NUBPL: variants seen among roughly 807,000 people sequenced by gnomAD.
NUBPL encodes NUBP iron-sulfur cluster assembly factor, mitochondrial, also known as iron-sulfur cluster transfer protein NUBPL.
In NUBPL, 31 loss-of-function variants were observed where a neutral mutation model predicts 45.7. That is an observed-to-expected ratio of 0.68 (90% CI 0.51 to 0.92). NUBPL has a LOEUF of 0.92. Among genes scored for constraint, NUBPL ranks in the 40% least tolerant of loss-of-function variants. The pLI is 0.00. For missense variants in NUBPL, 401 were observed against 398.7 expected (o/e 1.01, Z -0.05); for synonymous variants, 144 against 140.9 (o/e 1.02, Z -0.15).
intron 6 of NUBPL, among the ~76,000 whole-genome samples, chr14:31,752,473 C>T (rs949654187): frequency 2.0e-5 from 3 of 152,210 alleles, no homozygotes; most frequent in Admixed American, 6.5e-5. Flanking sequence ...CCAGTCTCTT[C>T]GCTAAAGCAT....
At chr14:31,622,506 C>T (rs551375900) in intron 4 of NUBPL, among the ~76,000 whole-genome samples, 20 of 151,960 alleles carry the variant, frequency 1.3e-4, no homozygotes, top group African/African-American at 4.3e-4. Context: ...CCATCACGGG[C>T]TTAGGAGGGA....
At chr14:31,850,515 A>G (rs1391184191) in intron 10 of NUBPL, among the ~76,000 whole-genome samples, 2 of 152,206 alleles carry the variant, frequency 1.3e-5, no homozygotes, top group Non-Finnish European at 2.9e-5. Context: ...CAAGATTATT[A>G]TATTTCAGTA....
Position 31,586,560 on chromosome 14 carries a change from G to C in NUBPL, c.292-12729G>C, listed in dbSNP as rs143616308. On this transcript the variant is annotated intron_variant, in intron 3 of 10. Transcript: ENST00000281081. ...GTTTGCTTAATTCTTATGGTCACAA[G>C]ATGGCTGCCCCACTGAATTGTAAAG... Among the ~76,000 whole-genome samples the C allele has an allele frequency of 1.8e-3, 271 of 152,292 alleles. 2 individuals are homozygous for C. Among genetic ancestry groups the C allele is most frequent in the African/African-American group, 6.2e-3 (258 of 41,578 alleles).
chr14:31,691,083 G>A (rs905806469), intron 6 of NUBPL, among the ~76,000 whole-genome samples: 5 of 137,096 alleles, frequency 3.6e-5, no homozygotes, highest in African/African-American at 5.4e-5. Flanking sequence ...CAGAAATTAC[G>A]ATGTATTTCC....
chr14:31,745,332 G>C (rs921142114), intron 6 of NUBPL, among the ~76,000 whole-genome samples: 8 of 152,144 alleles, frequency 5.3e-5, no homozygotes, highest in Non-Finnish European at 1.2e-4. Context: ...ATAGTTTGCT[G>C]AGAATGATGG....
intron 6 of NUBPL, among the ~76,000 whole-genome samples, chr14:31,774,064 A>G (rs898176876): frequency 3.3e-5 from 5 of 152,184 alleles, no homozygotes; most frequent in African/African-American, 1.2e-4. Flanking sequence ...ACACCTTTCC[A>G]TGCCCTTAGG....
intron 4 of NUBPL, among the ~76,000 whole-genome samples, chr14:31,619,006 T>TG (rs1398041593): frequency 3.9e-5 from 6 of 152,202 alleles, no homozygotes; most frequent in African/African-American, 1.4e-4. Flanking sequence ...GATAGTTAGC[T>TG]CTTCTTGTTG....
At chr14:31,802,117 C>T (rs1400351267) in intron 7 of NUBPL, among the ~76,000 whole-genome samples, 1 of 152,112 alleles carries the variant, frequency 6.6e-6, no homozygotes, top group African/African-American at 2.4e-5. Context: ...CATGAATAAA[C>T]GAATGCCCTT....
At chr14:31,776,497 A>G (rs1317388183) in intron 6 of NUBPL, among the ~76,000 whole-genome samples, 1 of 152,212 alleles carries the variant, frequency 6.6e-6, no homozygotes, top group Non-Finnish European at 1.5e-5. Flanking sequence ...TGTCTTCCCA[A>G]GCTGACTGGA....
intron 6 of NUBPL, among the ~76,000 whole-genome samples, chr14:31,737,916 TTTTA>T (rs1266226574): frequency 6.6e-6 from 1 of 152,160 alleles, no homozygotes; most frequent in Non-Finnish European, 1.5e-5. Flanking sequence ...AATTTTTTTG[TTTTA>T]TTTATTCTTT....
chr14:31,725,993 A>G (rs565798293), intron 6 of NUBPL, among the ~76,000 whole-genome samples: 1 of 152,200 alleles, frequency 6.6e-6, no homozygotes, highest in Admixed American at 6.5e-5. Context: ...TACAGGTGTG[A>G]GCCACCGTGC....
At chr14:31,672,466 GTTAT>G (rs2036594790) in intron 4 of NUBPL, among the ~76,000 whole-genome samples, 1 of 151,990 alleles carries the variant, frequency 6.6e-6, no homozygotes, top group African/African-American at 2.4e-5. Context: ...TTTTATTGAG[GTTAT>G]TTATTTTTTT....
chr14:31,562,107 A>G lies in NUBPL; in HGVS notation c.148A>G (p.Thr50Ala). ...GAGTGAGACCCTAAAACAAAGAAGA[A>G]CACAAATCATGTCCCGAGGACTTCC... ...AGSETLKQRR[T>A]QIMSRGLPKQ... is the part of the protein sequence containing the mutation. Residue 50 changes from threonine to alanine, a missense_variant, in exon 2 of 11, where the codon ACA (threonine) becomes GCA (alanine). Thr to Ala is a moderately conservative substitution (Grantham distance 58). Transcript: ENST00000281081. 3.1e-6 allele frequency: 5 copies of G among 1,612,162 alleles called. No individual in the cohort carries two copies. The highest frequency in any genetic ancestry group is 3.4e-6 in the Non-Finnish European group (4 of 1,178,788).
Position 31,850,221 on chromosome 14 carries a change from A to G in NUBPL, c.897+20A>G, listed in dbSNP as rs1366809679. 2 of 1,582,512 alleles carry G rather than the reference A, an allele frequency of 1.3e-6. No individual in the cohort carries two copies. The highest frequency in any genetic ancestry group is 2.2e-5 in the South Asian group (2 of 90,302). ...GATGAGGTAAGTTCCATTTTTGGAT[A>G]CATATTTTTATTTCTTTTTATGTAC... On this transcript the variant is annotated intron_variant, in intron 10 of 10. Coordinates refer to ENST00000281081, the MANE Select transcript of NUBPL (RefSeq NM_025152.3).
chr14:31,596,488 C>T (rs552404015), intron 3 of NUBPL, among the ~76,000 whole-genome samples: 3 of 151,918 alleles, frequency 2.0e-5, no homozygotes, highest in South Asian at 2.1e-4. Flanking sequence ...CAAATCCTGC[C>T]GTTTTTTGTG....
intron 6 of NUBPL, among the ~76,000 whole-genome samples, chr14:31,781,637 A>C (rs1436976920): frequency 2.6e-5 from 4 of 152,240 alleles, no homozygotes; most frequent in African/African-American, 9.6e-5. Flanking sequence ...TTGTTATTTT[A>C]ACATAGAGGG....
chr14:31,813,562 G>A (rs1165417311), intron 7 of NUBPL, among the ~76,000 whole-genome samples: 1 of 150,758 alleles, frequency 6.6e-6, no homozygotes, highest in Non-Finnish European at 1.5e-5. Context: ...CATACTTTAA[G>A]TCCTGGGATA....
chr14:31,801,402 C>T (rs191101656), intron 7 of NUBPL, among the ~76,000 whole-genome samples: 1 of 152,222 alleles, frequency 6.6e-6, no homozygotes, highest in African/African-American at 2.4e-5. Context: ...AACATTGCTC[C>T]TTCATGGTTA....
chr14:31,600,572 T>C (rs1308911762), intron 4 of NUBPL, among the ~76,000 whole-genome samples: 1 of 152,180 alleles, frequency 6.6e-6, no homozygotes, highest in African/African-American at 2.4e-5. Flanking sequence ...TACAACAAAA[T>C]GATGTTGAAA....
Sources: allele counts gnomAD v4.1 joint callset (sites outside exome capture counted in the v4.1 genomes callset), GRCh38; gene constraint gnomAD v4.1.1; transcripts MANE v1.5; gene names NCBI Gene and HGNC (gene_info 2026-07-23, HGNC 2026-07-21).